IL15: variants seen among roughly 807,000 people sequenced by gnomAD.
IL15 encodes the protein interleukin 15, also known as interleukin-15.
IL15 carries 11 observed loss-of-function variants against 19.6 expected under a neutral mutation model. The ratio of observed to expected loss-of-function variants is 0.56; its 90% CI spans 0.35 to 0.93. The LOEUF (loss-of-function observed/expected upper bound fraction) is 0.93. Ranked by LOEUF, IL15 falls within the 40% of genes least tolerant of loss-of-function variation. The pLI is 0.01. For missense variants in IL15, 197 were observed against 186.5 expected (o/e 1.06, Z -0.33); for synonymous variants, 58 against 59.6 (o/e 0.97, Z 0.12).
chr4:141,655,731 C>T (rs1475779262), intron 1 of IL15, among the ~76,000 whole-genome samples: 4 of 152,072 alleles, frequency 2.6e-5, no homozygotes, highest in East Asian at 1.9e-4. Context: ...TTTACTACTT[C>T]GTATTTGAGT....
chr4:141,666,995 A>C, intron 2 of IL15, among the ~76,000 whole-genome samples: 1 of 152,284 alleles, frequency 6.6e-6, no homozygotes, highest in African/African-American at 2.4e-5. Flanking sequence ...AGGCCCAGAA[A>C]GATAGAATAT....
At chr4:141,697,149 G>T (rs1031710307) in intron 2 of IL15, among the ~76,000 whole-genome samples, 2 of 151,942 alleles carry the variant, frequency 1.3e-5, no homozygotes, top group Admixed American at 6.6e-5. Flanking sequence ...TCAGCTCTTA[G>T]ATTTAAGTCT....
chr4:141,705,874 A>G (rs1008075531), intron 2 of IL15, among the ~76,000 whole-genome samples: 3 of 151,530 alleles, frequency 2.0e-5, no homozygotes, highest in Admixed American at 6.6e-5. Flanking sequence ...TGCCTATTTT[A>G]TCTGATATAA....
At chr4:141,683,296 C>A (rs1039602911) in intron 2 of IL15, among the ~76,000 whole-genome samples, 2 of 145,672 alleles carry the variant, frequency 1.4e-5, no homozygotes, top group African/African-American at 2.6e-5. Flanking sequence ...ATAGGCTGGG[C>A]GCGGTGGCTC....
At chr4:141,722,930 T>C (rs563198079) in intron 5 of IL15, among the ~76,000 whole-genome samples, 1 of 152,174 alleles carries the variant, frequency 6.6e-6, no homozygotes, top group South Asian at 2.1e-4. Flanking sequence ...AGAGGAATGA[T>C]AGTTAATTTG....
At chr4:141,683,290 G>A (rs1383598002) in intron 2 of IL15, among the ~76,000 whole-genome samples, 1 of 151,236 alleles carries the variant, frequency 6.6e-6, no homozygotes, top group Non-Finnish European at 1.5e-5. Context: ...AAAACAATAG[G>A]CTGGGCGCGG....
In IL15 at chr4:141,720,545, G is replaced by T. The variant is rs1730040340; in HGVS notation, c.89G>T (p.Gly30Val). Residue 30 changes from glycine to valine, a missense_variant, in exon 4 of 8, where the codon GGC (glycine) becomes GTC (valine). Gly to Val is a moderately radical substitution (Grantham distance 109). Coordinates refer to ENST00000320650, the MANE Select transcript of IL15 (RefSeq NM_000585.5). ...AACAGTCATTTTCTAACTGAAGCTG[G>T]CATTCATGTCTTCATTTTGGGGTAA... ...LLNSHFLTEAGIHVFILGCFS... is the reference protein window; with the variant it reads ...LLNSHFLTEAVIHVFILGCFS... 1.3e-6 allele frequency: 2 copies of T among 1,568,092 alleles called. No individual in the cohort carries two copies. The highest frequency in any genetic ancestry group is 1.8e-6 in the Non-Finnish European group (2 of 1,138,650).
chr4:141,686,050 A>G (rs1224399712), intron 2 of IL15, among the ~76,000 whole-genome samples: 1 of 152,088 alleles, frequency 6.6e-6, no homozygotes, highest in Non-Finnish European at 1.5e-5. Context: ...TAATCCCAGC[A>G]TTTTGAGAGG....
At chr4:141,724,357 AG>A (rs1418740991) in intron 5 of IL15, among the ~76,000 whole-genome samples, 4 of 152,088 alleles carry the variant, frequency 2.6e-5, no homozygotes, top group Non-Finnish European at 5.9e-5. Flanking sequence ...TGAATACATT[AG>A]AAAAAAAGGA....
At chr4:141,637,908 G>A (rs1199457305) in intron 1 of IL15, among the ~76,000 whole-genome samples, 2 of 152,112 alleles carry the variant, frequency 1.3e-5, no homozygotes, top group African/African-American at 4.8e-5. Context: ...GAATAAACTG[G>A]TGATTATGCA....
At chr4:141,683,439 T>G (rs986579186) in intron 2 of IL15, among the ~76,000 whole-genome samples, 63 of 150,832 alleles carry the variant, frequency 4.2e-4, no homozygotes, top group African/African-American at 1.4e-3. Context: ...GGCATGGCGG[T>G]GTGCACCTGT....
chr4:141,730,362 G>T (rs1204460823), intron 7 of IL15, among the ~76,000 whole-genome samples: 1 of 152,092 alleles, frequency 6.6e-6, no homozygotes. Flanking sequence ...AGTTATTACT[G>T]TATGCCAGAC....
chr4:141,712,238 C>T (rs1190484242), intron 2 of IL15, among the ~76,000 whole-genome samples: 1 of 152,102 alleles, frequency 6.6e-6, no homozygotes, highest in Non-Finnish European at 1.5e-5. Context: ...GGGATAATTT[C>T]TTCACCTTAG....
intron 2 of IL15, among the ~76,000 whole-genome samples, chr4:141,687,853 T>G (rs1483213146): frequency 1.3e-5 from 2 of 152,218 alleles, no homozygotes; most frequent in African/African-American, 2.4e-5. Flanking sequence ...CTCATGATCA[T>G]GTTAAGATCT....
chr4:141,686,307 A>AATAC (rs1309536189), intron 2 of IL15, among the ~76,000 whole-genome samples: 17 of 149,494 alleles, frequency 1.1e-4, no homozygotes, highest in Admixed American at 8.0e-4. Context: ...AAAATAAATA[A>AATAC]ATAAATAAAT....
intron 2 of IL15, among the ~76,000 whole-genome samples, chr4:141,667,475 G>A (rs1288004747): frequency 6.6e-6 from 1 of 152,160 alleles, no homozygotes; most frequent in East Asian, 1.9e-4. Context: ...CTTGGTCACA[G>A]AAGTTTTCTG....
intron 2 of IL15, among the ~76,000 whole-genome samples, chr4:141,706,762 C>T (rs1729530236): frequency 6.6e-6 from 1 of 151,628 alleles, no homozygotes; most frequent in African/African-American, 2.4e-5. Context: ...CTCTCCTAGT[C>T]TGCTGAAAAA....
chr4:141,697,639 TGA>T (rs1729145360), intron 2 of IL15, among the ~76,000 whole-genome samples: 1 of 152,194 alleles, frequency 6.6e-6, no homozygotes, highest in Non-Finnish European at 1.5e-5. Context: ...TACCCATCCA[TGA>T]GCATGGGACC....
At chr4:141,648,496 A>C (rs1727302322) in intron 1 of IL15, among the ~76,000 whole-genome samples, 1 of 152,046 alleles carries the variant, frequency 6.6e-6, no homozygotes, top group Non-Finnish European at 1.5e-5. Context: ...AGTAGGACAA[A>C]AAAGATGAGA....
Sources: allele counts gnomAD v4.1 joint callset (sites outside exome capture counted in the v4.1 genomes callset), GRCh38; gene constraint gnomAD v4.1.1; transcripts MANE v1.5; gene names NCBI Gene and HGNC (gene_info 2026-07-23, HGNC 2026-07-21).